Variants in CDH10 observed in about 807,000 individuals in gnomAD.
CDH10 encodes cadherin 10.
CDH10 carries 30 observed loss-of-function variants against 73.1 expected under a neutral mutation model. The observed-to-expected ratio is 0.41, with a 90% CI of 0.31 to 0.56. The LOEUF is 0.56. CDH10 is among the 20% of genes least tolerant of loss of function. CDH10 has a pLI of 0.27. For synonymous variants in CDH10, 345 were observed against 348.2 expected (o/e 0.99, Z 0.10); for missense variants, 815 against 973.7 (o/e 0.84, Z 2.17).
chr5:24,615,345 C>T (rs1341400481), intron 1 of CDH10, among the ~76,000 whole-genome samples: 1 of 152,146 alleles, frequency 6.6e-6, no homozygotes, highest in Non-Finnish European at 1.5e-5. Flanking sequence ...TAAAAACTGA[C>T]CTTCAAAGAC....
intron 1 of CDH10, among the ~76,000 whole-genome samples, chr5:24,639,077 C>A (rs1215067832): frequency 6.6e-6 from 1 of 151,382 alleles, no homozygotes; most frequent in South Asian, 2.1e-4. Flanking sequence ...AAACACAAAA[C>A]CCTTAAAATT....
At chr5:24,640,997 T>C (rs985742377) in intron 1 of CDH10, among the ~76,000 whole-genome samples, 1 of 152,046 alleles carries the variant, frequency 6.6e-6, no homozygotes, top group African/African-American at 2.4e-5. Flanking sequence ...CAACTCATCA[T>C]TGTTAATATT....
chr5:24,600,948 C>T (rs574740748), intron 1 of CDH10, among the ~76,000 whole-genome samples: 2 of 151,434 alleles, frequency 1.3e-5, no homozygotes, highest in African/African-American at 2.4e-5. Context: ...TGGGTTATGT[C>T]TTTGATGGGC....
intron 2 of CDH10, among the ~76,000 whole-genome samples, chr5:24,548,310 G>C (rs1315448539): frequency 6.6e-6 from 1 of 151,772 alleles, no homozygotes; most frequent in Admixed American, 6.6e-5. Context: ...AGTAGAGATG[G>C]GGGTTCACCA....
intron 2 of CDH10, among the ~76,000 whole-genome samples, chr5:24,574,923 C>A (rs1270916017): frequency 6.6e-6 from 1 of 151,412 alleles, no homozygotes; most frequent in Non-Finnish European, 1.5e-5. Context: ...TGAAAGATAC[C>A]TTAAATGTAA....
At chr5:24,627,286 A>G (rs1290641327) in intron 1 of CDH10, among the ~76,000 whole-genome samples, 1 of 152,164 alleles carries the variant, frequency 6.6e-6, no homozygotes, top group African/African-American at 2.4e-5. Flanking sequence ...GATTTTACAT[A>G]TTAATAAAAT....
At chr5:24,494,411 A>T (rs567351116) in intron 9 of CDH10, among the ~76,000 whole-genome samples, 1 of 152,096 alleles carries the variant, frequency 6.6e-6, no homozygotes, top group East Asian at 1.9e-4. Context: ...AGAGGAAAAA[A>T]TGACATAAAT....
intron 8 of CDH10, among the ~76,000 whole-genome samples, chr5:24,501,062 G>T (rs1742476777): frequency 6.6e-6 from 1 of 152,076 alleles, no homozygotes; most frequent in Non-Finnish European, 1.5e-5. Context: ...AAAGTGGGAA[G>T]GTATGCTTCT....
At chr5:24,578,486 G>T in intron 2 of CDH10, 1 of 360,954 alleles carries the variant, frequency 2.8e-6, no homozygotes, top group South Asian at 2.8e-5. Flanking sequence ...AGAATCACTG[G>T]ATTCACCAGC....
At chr5:24,547,941 T>C (rs1744401540) in intron 2 of CDH10, among the ~76,000 whole-genome samples, 1 of 152,154 alleles carries the variant, frequency 6.6e-6, no homozygotes, top group Non-Finnish European at 1.5e-5. Flanking sequence ...GTGACTTCTG[T>C]CAATTGTTGA....
At chr5:24,561,970 A>T (rs749827481) in intron 2 of CDH10, among the ~76,000 whole-genome samples, 141 of 151,160 alleles carry the variant, frequency 9.3e-4, no homozygotes, top group Middle Eastern at 6.8e-3. Flanking sequence ...TCAAGAATTT[A>T]GTCAAATTTG....
At chr5:24,582,787 A>G (rs552570896) in intron 2 of CDH10, among the ~76,000 whole-genome samples, 1 of 152,334 alleles carries the variant, frequency 6.6e-6, no homozygotes, top group East Asian at 1.9e-4. Context: ...CTTAGCATGA[A>G]CAATAAAATG....
At chr5:24,518,884 C>CTTTTTTTTT (rs36019861) in intron 5 of CDH10, among the ~76,000 whole-genome samples, 4 of 77,450 alleles carry the variant, frequency 5.2e-5, no homozygotes, top group Non-Finnish European at 7.0e-5. Flanking sequence ...GACATGTGCA[C>CTTTTTTTTT]TTTTTTTTTT....
At chr5:24,507,779 A>G (rs772935852) in intron 7 of CDH10, among the ~76,000 whole-genome samples, 6 of 152,158 alleles carry the variant, frequency 3.9e-5, no homozygotes, top group Non-Finnish European at 8.8e-5. Flanking sequence ...AAAAAAAAAC[A>G]CAAGGAATGC....
rs747196905 is a variant in CDH10 at position 24,493,133 on chromosome 5, C to T, written c.1516-208G>A. 8.6e-5 allele frequency among the ~76,000 whole-genome samples: 13 copies of T among 151,884 alleles called. No homozygotes were observed. The South Asian group carries it at 2.7e-3, about 32-fold the overall frequency. On this transcript the variant is annotated intron_variant, in intron 9 of 11. Coordinates refer to ENST00000264463, the MANE Select transcript of CDH10 (RefSeq NM_006727.5). ...ATCTCTGTGTCTTTTGGATCATACC[C>T]TTTACTTCAAAATGGTAAATAAAAA... is the stretch of plus-strand genomic sequence containing the variant.
At chr5:24,615,215 G>A (rs983982462) in intron 1 of CDH10, among the ~76,000 whole-genome samples, 15 of 152,130 alleles carry the variant, frequency 9.9e-5, no homozygotes, top group Non-Finnish European at 1.2e-4. Flanking sequence ...TTCTGCATCA[G>A]AATTTTTGCA....
intron 1 of CDH10, among the ~76,000 whole-genome samples, chr5:24,617,938 C>T (rs1332343617): frequency 2.6e-5 from 4 of 152,190 alleles, no homozygotes; most frequent in African/African-American, 9.6e-5. Context: ...AGCAATCAGT[C>T]TGTTCCCCAC....
At chr5:24,636,427 A>G (rs1466610782) in intron 1 of CDH10, among the ~76,000 whole-genome samples, 1 of 151,964 alleles carries the variant, frequency 6.6e-6, no homozygotes, top group Non-Finnish European at 1.5e-5. Context: ...TAGGCTTATC[A>G]CTGTGCAGTC....
At chr5:24,492,508 T>G (rs1041817632) in intron 10 of CDH10, among the ~76,000 whole-genome samples, 3 of 152,176 alleles carry the variant, frequency 2.0e-5, no homozygotes, top group African/African-American at 7.2e-5. Context: ...ACTGAATCAT[T>G]CATTTTTCTA....
Sources: allele counts gnomAD v4.1 joint callset (sites outside exome capture counted in the v4.1 genomes callset), GRCh38; gene constraint gnomAD v4.1.1; transcripts MANE v1.5; gene names NCBI Gene and HGNC (gene_info 2026-07-23, HGNC 2026-07-21).